The following EPRS1 variants were observed in gnomAD, a reference collection of about 807,000 sequenced individuals.
The protein encoded by EPRS1 is bifunctional glutamate/proline--tRNA ligase.
Under a neutral mutation model 188.3 loss-of-function variants are expected in EPRS1, and 107 were observed. That is an observed-to-expected ratio of 0.57 (90% confidence interval 0.49 to 0.67). The LOEUF (loss-of-function observed/expected upper bound fraction) is 0.67, where lower values mean the gene tolerates loss of function less well. Ranked by LOEUF, EPRS1 falls within the 30% of genes least tolerant of loss-of-function variation. EPRS1 has a pLI of 0.00. For synonymous variants in EPRS1, 596 were observed against 593.1 expected, an observed-to-expected ratio of 1.00 and a Z score of -0.07; for missense variants, 1,577 against 1,802.2, an observed-to-expected ratio of 0.88 and a Z score of 2.26.
exon 1 of EPRS1, chr1:220,046,491 GCCGCCGCAGCCTTCGCT>G (rs1662406788): frequency 2.6e-6 from 4 of 1,523,460 alleles, no homozygotes; most frequent in Admixed American, 8.0e-5. Flanking sequence ...CGTACCCGAC[GCCGCCGCAGCCTTCGCT>G]CCGCCCCTGC....
intron 16 of EPRS1, among the ~76,000 whole-genome samples, chr1:220,003,863 G>C (rs1359678525): frequency 6.6e-6 from 1 of 152,160 alleles, no homozygotes; most frequent in Non-Finnish European, 1.5e-5. Context: ...GCCATTCCAG[G>C]AAAAGGCATC....
At chr1:219,982,662 T>C (rs1180586164) in intron 23 of EPRS1, 110 bp downstream of exon 23, 4 of 789,152 alleles carry the variant, frequency 5.1e-6, no homozygotes, top group African/African-American at 1.8e-5. Context: ...TGAAATGTTA[T>C]ATCGTCAACA....
Position 220,001,898 on chromosome 1 carries a change from G to A in EPRS1, c.2064-643C>T, listed in dbSNP as rs1207288888. Among the ~76,000 whole-genome samples, 5 of 151,860 alleles carry A rather than the reference G, an allele frequency of 3.3e-5. No individual in the cohort carries two copies. The South Asian group carries it at 6.2e-4, about 19-fold the overall frequency. The stretch of plus-strand genomic sequence containing the variant: ...CAAAAAATTAGCCAGGCGTGGCGGC[G>A]GGTGCCTGTAGTCCCAGCTACTCCA... On this transcript the variant is annotated intron_variant, in intron 16 of 31. Transcript: ENST00000366923.
intron 1 of EPRS1, among the ~76,000 whole-genome samples, chr1:220,042,527 G>A (rs990205289): frequency 6.6e-6 from 1 of 151,642 alleles, no homozygotes; most frequent in African/African-American, 2.4e-5. Context: ...ACAGAGTCCA[G>A]GTTGGAGGGG....
chr1:220,001,169 T>A lies in EPRS1; in HGVS notation c.2150A>T (p.Glu717Val). The A allele has an allele frequency of 6.2e-7, 1 of 1,613,658 alleles. No individual in the cohort carries two copies. Among genetic ancestry groups the A allele is most frequent in the Non-Finnish European group, 8.5e-7 (1 of 1,179,562 alleles). The part of the protein sequence containing the change: ...TKEMPTSGSK[E>V]KTKVEATKNE... ...TTTTGTGGCTTCTACTTTGGTCTTT[T>A]CCTTTGACCCTGATGTTGGCATTTC... is the stretch of plus-strand genomic sequence containing the variant. The change falls in exon 17 of 32, where the codon GAA (glutamate) becomes GTA (valine). Residue 717 changes from glutamate to valine, a missense_variant. By Grantham distance (121) the Glu-to-Val change is moderately radical. This residue lies in a region of EPRS1 where 1,278 missense variants were observed against 1,457.4 expected (regional missense o/e 0.88). Coordinates refer to ENST00000366923, the MANE Select transcript of EPRS1 (RefSeq NM_004446.3).
At chr1:219,975,728 C>T (rs531347017) in intron 28 of EPRS1, among the ~76,000 whole-genome samples, 5 of 152,240 alleles carry the variant, frequency 3.3e-5, no homozygotes, top group East Asian at 1.9e-4. Context: ...TGAGCCACCA[C>T]GCCAGGTCCA....
chr1:219,995,773 CA>C (rs1661219145), intron 18 of EPRS1, among the ~76,000 whole-genome samples: 1 of 152,138 alleles, frequency 6.6e-6, no homozygotes, highest in South Asian at 2.1e-4. Flanking sequence ...AATATGAGGT[CA>C]AATATTCATG....
At chr1:220,002,485 T>C (rs1206197346) in intron 16 of EPRS1, among the ~76,000 whole-genome samples, 3 of 152,238 alleles carry the variant, frequency 2.0e-5, no homozygotes, top group Non-Finnish European at 1.5e-5. Context: ...AATGATACTC[T>C]TGACTTCAAG....
intron 16 of EPRS1, among the ~76,000 whole-genome samples, 197 bp downstream of exon 16, chr1:220,005,051 T>C (rs1287266809): frequency 6.6e-6 from 1 of 152,214 alleles, no homozygotes; most frequent in Admixed American, 6.5e-5. Flanking sequence ...TTTATTAATG[T>C]TCAATGTGCG....
intron 5 of EPRS1, among the ~76,000 whole-genome samples, chr1:220,032,038 T>C (rs1204700460): frequency 6.6e-6 from 1 of 152,086 alleles, no homozygotes; most frequent in Non-Finnish European, 1.5e-5. Flanking sequence ...GTAGGAATAA[T>C]TGTCTTTTCA....
rs1662104592 is a variant in EPRS1, at chr1:220,032,398, T to C, written c.517A>G (p.Lys173Glu). The C allele has an allele frequency of 1.9e-6, 3 of 1,602,510 alleles. No homozygotes were observed. Among genetic ancestry groups the C allele is most frequent in the Non-Finnish European group, 1.7e-6 (2 of 1,176,962 alleles). ...AAAAAAAGGCTTACCACTCGAGCTT[T>C]GGTTGTTGAAACATCCCACTTGGTA... ...VGTKWDVSTT[K>E]ARVAPEKKQD... The change falls in exon 5 of 32, where the codon AAA becomes GAA. Residue 173 changes from lysine to glutamate, a missense_variant. Around this residue, in one of 3 missense-constraint regions of EPRS1, gnomAD observed 1,278 missense variants for 1,457.4 expected, o/e 0.88. Transcript: ENST00000366923.
intron 19 of EPRS1, among the ~76,000 whole-genome samples, chr1:219,987,920 T>C (rs1273320848): frequency 5.3e-5 from 8 of 152,218 alleles, no homozygotes; most frequent in African/African-American, 1.2e-4. Flanking sequence ...TAGACAATAT[T>C]GTTATAGCAT....
At chr1:219,973,529 G>GCT in intron 28 of EPRS1, 131 bp from the exon 29 acceptor site, 1 of 220,898 alleles carries the variant, frequency 4.5e-6, no homozygotes, top group East Asian at 7.0e-5. Flanking sequence ...AAAAAAACAA[G>GCT]AGAAAAAAAA....
At chr1:220,008,411 AAAGT>A (rs1020135926) in intron 13 of EPRS1, among the ~76,000 whole-genome samples, 6 of 152,194 alleles carry the variant, frequency 3.9e-5, no homozygotes, top group African/African-American at 1.2e-4. Flanking sequence ...TTAAAAAAAA[AAAGT>A]AAGAAGATCT....
chr1:219,987,568 T>C (rs1175710433), intron 19 of EPRS1, among the ~76,000 whole-genome samples, 164 bp from the exon 20 acceptor site: 1 of 151,944 alleles, frequency 6.6e-6, no homozygotes, highest in Non-Finnish European at 1.5e-5. Flanking sequence ...ATATCTCACA[T>C]ATGAGTGTGA....
intron 20 of EPRS1, among the ~76,000 whole-genome samples, chr1:219,985,569 AT>A (rs1259412477): frequency 1.3e-5 from 2 of 151,572 alleles, no homozygotes. Flanking sequence ...TTCCTGGTTA[AT>A]TTTTTTGTAT....
intron 20 of EPRS1, among the ~76,000 whole-genome samples, chr1:219,986,412 T>C (rs1280080872): frequency 2.6e-5 from 4 of 152,210 alleles, no homozygotes; most frequent in African/African-American, 9.6e-5. Flanking sequence ...TTACTGAATA[T>C]CAATAATTTC....
Position 219,982,875 on chromosome 1 carries a change from T to C in EPRS1, c.3301-31A>G, listed in dbSNP as rs536463054. ...AAGAAAAAATCATTTTTCATACTTT[T>C]TTTTCAATAGCATTTTGGAGCAACA... On this transcript the variant is annotated intron_variant, in intron 22 of 31. Transcript: ENST00000366923. 45 of 1,590,678 alleles carry C rather than the reference T, an allele frequency of 2.8e-5. No individual in the cohort carries two copies. In the South Asian group the frequency reaches 4.6e-4, roughly 16 times the overall value.
intron 2 of EPRS1, among the ~76,000 whole-genome samples, chr1:220,038,695 G>C (rs1055083682): frequency 2.0e-5 from 3 of 152,066 alleles, no homozygotes; most frequent in African/African-American, 4.8e-5. Flanking sequence ...CTGTTTCATA[G>C]GGGAGCAGAA....
Sources: gnomAD v4.1 joint callset for allele counts (sites outside exome capture counted in the v4.1 genomes callset) on GRCh38, gnomAD v4.1.1 for gene constraint, gnomAD v4.1.1 regional missense constraint, MANE v1.5 for transcripts, NCBI Gene and HGNC (gene_info 2026-07-23, HGNC 2026-07-21) for gene names.